PTP4A3: variants seen among roughly 807,000 people sequenced by gnomAD.
The protein encoded by PTP4A3 is protein tyrosine phosphatase 4A3.
In PTP4A3, 9 loss-of-function variants were observed where a neutral mutation model predicts 15.2. The ratio of observed to expected loss-of-function variants is 0.59; its 90% CI spans 0.36 to 1.03. The LOEUF (loss-of-function observed/expected upper bound fraction) is 1.03. PTP4A3 is among the 50% of genes least tolerant of loss of function. The pLI, the probability that PTP4A3 is intolerant of heterozygous loss-of-function variation, is 0.02. For synonymous variants in PTP4A3, 95 were observed against 102.0 expected, an observed-to-expected ratio of 0.93 and a Z score of 0.41; for missense variants, 234 against 252.1, an observed-to-expected ratio of 0.93 and a Z score of 0.49.
Position 141,406,996 on chromosome 8 carries a change from A to G in PTP4A3, c.-853-14392A>G, listed in dbSNP as rs183133247. ...CCTTCTGGATTCTCTCCAGGGGAGG[A>G]GGTCAGGCCCTTGGGAGGTACCCTT... On this transcript the variant is annotated intron_variant, in intron 1 of 5. Transcript: ENST00000521578. This position sits in a 1 kb window ranked among gnomAD's most constrained non-coding sequence, Gnocchi z 4.5. 1.3e-5 allele frequency among the ~76,000 whole-genome samples: 2 copies of G among 152,194 alleles called. No individual in the cohort carries two copies. The highest frequency in any genetic ancestry group is 6.5e-5 in the Admixed American group (1 of 15,290).
rs1357712304 is a variant in PTP4A3, at chr8:141,408,972, C to T, written c.-853-12416C>T. 7.2e-5 allele frequency among the ~76,000 whole-genome samples: 11 copies of T among 152,220 alleles called. No homozygotes were observed. In the South Asian group the frequency reaches 1.2e-3, roughly 17 times the overall value. ...CAAGGTTGTGAGGTACCCACGCTGCCGTGTAGTGTCACCACGCCCTGATGT... is the reference window on the plus strand; with the variant it reads ...CAAGGTTGTGAGGTACCCACGCTGCTGTGTAGTGTCACCACGCCCTGATGT... On this transcript the variant is annotated intron_variant, in intron 1 of 5. Transcript: ENST00000521578.
intron 1 of PTP4A3, among the ~76,000 whole-genome samples, chr8:141,416,158 A>T (rs561479245): frequency 6.6e-6 from 1 of 152,096 alleles, no homozygotes; most frequent in African/African-American, 2.4e-5. Context: ...TGGTTGTAGC[A>T]TCACAGAGCT....
In PTP4A3 at chr8:141,425,045, C is replaced by T; in HGVS notation, c.106-3C>T. ...CCTGCCTCCTCCGTCCTCCCACCCC[C>T]AGGACCTGAAGAAGTACGGGGCTAC... On this transcript the variant is annotated splice_region_variant and splice_polypyrimidine_tract_variant and intron_variant, in intron 2 of 5. Coordinates refer to ENST00000521578, the MANE Select transcript of PTP4A3 (RefSeq NM_032611.3). This position sits in a 1 kb window ranked among gnomAD's most constrained non-coding sequence, Gnocchi z 4.2. The T allele has an allele frequency of 1.2e-6, 2 of 1,612,420 alleles. No individual in the cohort carries two copies. The highest frequency in any genetic ancestry group is 1.7e-6 in the Non-Finnish European group (2 of 1,179,320).
intron 1 of PTP4A3, among the ~76,000 whole-genome samples, chr8:141,418,247 C>G (rs1051879871): frequency 6.6e-6 from 1 of 152,234 alleles, no homozygotes; most frequent in Admixed American, 6.5e-5. Flanking sequence ...ACCCGCTGAG[C>G]CCCGGGCCTC....
At chr8:141,415,950 G>A (rs573998855) in intron 1 of PTP4A3, among the ~76,000 whole-genome samples, 4 of 152,060 alleles carry the variant, frequency 2.6e-5, no homozygotes, top group South Asian at 2.1e-4. Flanking sequence ...GCGGACTTGG[G>A]CCCGCTCTGG....
In PTP4A3 at chr8:141,421,527, C is replaced by T. The variant is rs190783740; in HGVS notation, c.-714C>T. 33 of 152,890 alleles carry T rather than the reference C, an allele frequency of 2.2e-4. No homozygotes were observed. Among genetic ancestry groups the T allele is most frequent in the African/African-American group, 7.5e-4 (31 of 41,590 alleles). The allele number at this position is 152,890 out of a possible 1,614,324, so 9.5% of individuals were successfully genotyped here. A position where few individuals can be genotyped will look rare whatever the true frequency, so the allele number is the denominator to read the frequency against. Reference sequence around the variant, plus strand: ...GGCTCTCACCATTGCCCTCGCCTGCCGATGGCCTCTGCTGCCCAGCCTGGG... The same window carrying T: ...GGCTCTCACCATTGCCCTCGCCTGCTGATGGCCTCTGCTGCCCAGCCTGGG... On this transcript the variant is annotated 5_prime_UTR_variant, in exon 2 of 6. Transcript: ENST00000521578.
rs1452599576 is a variant in PTP4A3, at chr8:141,425,717, GC to G, written c.198+580del. 6.6e-6 allele frequency among the ~76,000 whole-genome samples: 1 copy of G among 152,190 alleles called. No homozygotes were observed. Among genetic ancestry groups the G allele is most frequent in the East Asian group, 1.9e-4 (1 of 5,196 alleles). ...ACGACTGCCCCCCTGGTGCAGGCCT[GC>G]CCAGCTGCGCCTGGGCCTCAGTCTC... On this transcript the variant is annotated intron_variant, in intron 3 of 5. Coordinates refer to ENST00000521578, the MANE Select transcript of PTP4A3 (RefSeq NM_032611.3). The surrounding 1 kb of genome is among the most constrained non-coding windows in gnomAD (Gnocchi z 4.2).
intron 1 of PTP4A3, among the ~76,000 whole-genome samples, chr8:141,412,108 G>A (rs1279225530): frequency 3.9e-5 from 6 of 152,236 alleles, no homozygotes; most frequent in Non-Finnish European, 8.8e-5. Flanking sequence ...CTGGGTTCAG[G>A]GAGGGGCGTC....
intron 1 of PTP4A3, among the ~76,000 whole-genome samples, chr8:141,418,147 C>G (rs1297774534): frequency 6.6e-6 from 1 of 152,120 alleles, no homozygotes; most frequent in East Asian, 1.9e-4. Flanking sequence ...GGCCGCGCCC[C>G]TTACCACGAC....
intron 2 of PTP4A3, among the ~76,000 whole-genome samples, chr8:141,424,723 A>G (rs1256033770): frequency 1.3e-5 from 2 of 152,072 alleles, no homozygotes; most frequent in Non-Finnish European, 2.9e-5. Flanking sequence ...GGGTGGCCCA[A>G]GGGACCTAGG....
intron 1 of PTP4A3, among the ~76,000 whole-genome samples, chr8:141,396,493 C>T (rs1335813380): frequency 5.3e-5 from 8 of 152,152 alleles, no homozygotes; most frequent in Non-Finnish European, 1.0e-4. Context: ...CCGGGCAGCC[C>T]GTCCAGCATT....
intron 5 of PTP4A3, among the ~76,000 whole-genome samples, chr8:141,428,852 G>T (rs1833709361): frequency 6.6e-6 from 1 of 152,210 alleles, no homozygotes; most frequent in Non-Finnish European, 1.5e-5. Flanking sequence ...AGACAAGCGG[G>T]TATTTGCACA....
intron 2 of PTP4A3, among the ~76,000 whole-genome samples, chr8:141,424,041 C>T (rs761225267): frequency 6.6e-6 from 1 of 152,066 alleles, no homozygotes; most frequent in Non-Finnish European, 1.5e-5. Flanking sequence ...GTGACCAGGG[C>T]CAGGGCTGAG....
At chr8:141,401,471 A>G (rs1234372284) in intron 1 of PTP4A3, among the ~76,000 whole-genome samples, 6 of 152,090 alleles carry the variant, frequency 3.9e-5, no homozygotes, top group African/African-American at 1.4e-4. Context: ...GCCATGTCGG[A>G]GGCTCCGAGA....
chr8:141,419,302 G>A (rs967987926), intron 1 of PTP4A3, among the ~76,000 whole-genome samples: 8 of 152,192 alleles, frequency 5.3e-5, no homozygotes, highest in Non-Finnish European at 8.8e-5. Context: ...CAGCCCCTCA[G>A]GGAGAGGCCC....
At chr8:141,402,918 G>C (rs1001170043) in intron 1 of PTP4A3, among the ~76,000 whole-genome samples, 3 of 152,136 alleles carry the variant, frequency 2.0e-5, no homozygotes, top group Non-Finnish European at 2.9e-5. Context: ...CAGCCCGGGG[G>C]CTTGTTTGTT....
intron 1 of PTP4A3, among the ~76,000 whole-genome samples, chr8:141,420,783 C>T (rs1003741202): frequency 3.9e-5 from 6 of 152,238 alleles, no homozygotes; most frequent in Non-Finnish European, 8.8e-5. Context: ...AGGAGACTTT[C>T]TGCAGAAAGC....
intron 1 of PTP4A3, among the ~76,000 whole-genome samples, chr8:141,394,473 C>A (rs779258544): frequency 1.3e-5 from 2 of 152,230 alleles, no homozygotes; most frequent in Non-Finnish European, 2.9e-5. Context: ...CTGTCACCTA[C>A]TCCCTCTGGT....
chr8:141,431,203 C>T lies in PTP4A3; in HGVS notation c.*159C>T, dbSNP rs533585076. On this transcript the variant is annotated 3_prime_UTR_variant, in exon 6 of 6. Coordinates refer to ENST00000521578, the MANE Select transcript of PTP4A3 (RefSeq NM_032611.3). ...CCCGACACCTCCGTGCACTTGTGTC[C>T]GAGGAGCGAGGAGCCCCTCGGGCCC... 3.4e-5 allele frequency: 22 copies of T among 653,746 alleles called. No homozygotes were observed. The highest frequency in any genetic ancestry group is 4.7e-5 in the Non-Finnish European group (18 of 380,324). The allele number at this position is 653,746 out of a possible 1,614,324, so 40.5% of individuals were successfully genotyped here. A position where few individuals can be genotyped will look rare whatever the true frequency, so the allele number is the denominator to read the frequency against.
Sources: gnomAD v4.1 joint callset for allele counts (sites outside exome capture counted in the v4.1 genomes callset) on GRCh38, gnomAD v4.1.1 for gene constraint, Gnocchi (gnomAD v3.1) non-coding constraint, MANE v1.5 for transcripts, NCBI Gene and HGNC (gene_info 2026-07-23, HGNC 2026-07-21) for gene names.